Variants in CPM observed in about 807,000 individuals in gnomAD.
CPM encodes the protein carboxypeptidase M, also known as renal carboxypeptidase.
Under a neutral mutation model 46.4 loss-of-function variants are expected in CPM, and 35 were observed. The ratio of observed to expected loss-of-function variants is 0.75; its 90% CI spans 0.58 to 1.00. The LOEUF is 1.00. CPM is among the 50% of genes least tolerant of loss of function. The pLI is 0.00. For synonymous variants in CPM, 195 were observed against 195.3 expected (o/e 1.00, Z 0.01); for missense variants, 422 against 530.4 (o/e 0.80, Z 2.01).
At chr12:68,955,331 A>G (rs879346749) in intron 1 of CPM, among the ~76,000 whole-genome samples, 2 of 152,228 alleles carry the variant, frequency 1.3e-5, no homozygotes, top group Non-Finnish European at 2.9e-5. Context: ...AGTACTCAGC[A>G]TGCTGCCTGG....
At chr12:68,863,932 TTA>T (rs1885319528) in intron 7 of CPM, among the ~76,000 whole-genome samples, 1 of 152,240 alleles carries the variant, frequency 6.6e-6, no homozygotes, top group African/African-American at 2.4e-5. Context: ...AAAATATTCA[TTA>T]GTTTCTTATT....
chr12:68,871,778 CTT>C lies in CPM; in HGVS notation c.431+4_431+5del. 6.2e-7 allele frequency: 1 copy of C among 1,614,102 alleles called. No homozygotes were observed. On this transcript the variant is annotated splice_donor_5th_base_variant and intron_variant, in intron 4 of 8. Coordinates refer to ENST00000551568, the MANE Select transcript of CPM (RefSeq NM_198320.5). ...TTCAAGTAAAGATAGACCAGCCCCT[CTT>C]TACCTTCCGATGCTGTAATAACAGT...
upstream of CPM, among the ~76,000 whole-genome samples, chr12:68,934,904 A>G (rs977163836): frequency 6.6e-6 from 1 of 151,858 alleles, no homozygotes; most frequent in East Asian, 1.9e-4. Context: ...TTTTTTTTTA[A>G]TTTTTTATTT....
Position 68,855,013 on chromosome 12 carries a change from C to CGTGG in CPM, c.*1423_*1424insCCAC, listed in dbSNP as rs1884898662. 6.7e-6 allele frequency: 1 copy of CGTGG among 150,298 alleles called. No homozygotes were observed. The highest frequency in any genetic ancestry group is 2.4e-5 in the African/African-American group (1 of 40,822). 9.3% of individuals were successfully genotyped at this position (150,298 alleles called of 1,614,324 possible). On this transcript the variant is annotated 3_prime_UTR_variant, in exon 9 of 9. Transcript: ENST00000551568. ...CTGGGATTACAGGCATGCACCACCA[C>CGTGG]GCCCGACTAATTTTTTTTTTTTTTT...
intron 2 of CPM, among the ~76,000 whole-genome samples, chr12:68,931,262 A>G (rs1266022569): frequency 2.6e-5 from 4 of 152,158 alleles, no homozygotes. Context: ...AAAAATGATG[A>G]AGAATATGGT....
intron 2 of CPM, among the ~76,000 whole-genome samples, chr12:68,895,089 T>A (rs1218917130): frequency 6.6e-6 from 1 of 151,292 alleles, no homozygotes; most frequent in Non-Finnish European, 1.5e-5. Context: ...AAAAATATTG[T>A]CATATTTTCC....
intron 3 of CPM, among the ~76,000 whole-genome samples, chr12:68,884,534 T>G (rs1349368906): frequency 6.6e-6 from 1 of 152,162 alleles, no homozygotes; most frequent in East Asian, 1.9e-4. Context: ...CAGCACTGAT[T>G]AGAGCATGCC....
intron 2 of CPM, among the ~76,000 whole-genome samples, chr12:68,911,755 C>T (rs1472030638): frequency 1.3e-5 from 2 of 152,146 alleles, no homozygotes; most frequent in African/African-American, 4.8e-5. Flanking sequence ...CGACAACCTA[C>T]GAGGTAGAAC....
intron 2 of CPM, among the ~76,000 whole-genome samples, chr12:68,909,637 C>T (rs565631115): frequency 2.6e-5 from 4 of 152,152 alleles, no homozygotes; most frequent in East Asian, 3.9e-4. Flanking sequence ...ACATATACAC[C>T]ATGGAATACT....
intron 2 of CPM, among the ~76,000 whole-genome samples, chr12:68,922,279 G>A (rs141804979): frequency 1.2e-3 from 179 of 152,316 alleles, no homozygotes; most frequent in African/African-American, 3.5e-3. Context: ...GTATATGTGC[G>A]TGTGTATTAT....
chr12:68,846,530 C>T (rs949794437), downstream of CPM: 1 of 152,144 alleles, frequency 6.6e-6, no homozygotes, highest in African/African-American at 2.4e-5. Flanking sequence ...GTAGGCCTTC[C>T]TTCAAGATCA....
Position 68,856,462 on chromosome 12 carries a change from C to T in CPM, c.1307G>A (p.Ser436Asn). 1.2e-6 allele frequency: 2 copies of T among 1,613,988 alleles called. No homozygotes were observed. The highest frequency in any genetic ancestry group is 1.7e-6 in the Non-Finnish European group (2 of 1,179,976). The change falls in exon 9 of 9, where the codon AGT becomes AAT. Residue 436 changes from serine (S) to asparagine (N), a missense_variant. Coordinates refer to ENST00000551568, the MANE Select transcript of CPM (RefSeq NM_198320.5). ...TTATTTGAAGAATATGTGCAAAAGA[C>T]TCACTAAAAATAAGAACAAACTAGG... ...TKPSLFLFLV[S>N]LLHIFFK
intron 2 of CPM, among the ~76,000 whole-genome samples, chr12:68,897,581 C>T (rs1207360506): frequency 2.0e-5 from 3 of 151,888 alleles, no homozygotes; most frequent in Non-Finnish European, 4.4e-5. Flanking sequence ...ACTAAAGTTA[C>T]AAAAAATTAG....
chr12:68,859,672 T>A (rs1265796934), intron 7 of CPM, among the ~76,000 whole-genome samples: 2 of 152,262 alleles, frequency 1.3e-5, no homozygotes, highest in East Asian at 3.9e-4. Context: ...CTCTGTGTCA[T>A]CAATTATTAT....
At chr12:68,847,807 T>C (rs1048867235), downstream of CPM, 1 of 152,194 alleles carries the variant, frequency 6.6e-6, no homozygotes, top group African/African-American at 2.4e-5. Flanking sequence ...GTAAAGGATG[T>C]TGATTGGCAT....
exon 6 of CPM, chr12:68,842,252 A>G (rs1394068363): frequency 2.0e-6 from 1 of 496,358 alleles, no homozygotes; most frequent in Non-Finnish European, 4.0e-6. Context: ...TTCAAGAAAA[A>G]GGACTACGGA....
Position 68,941,169 on chromosome 12 carries a change from A to ATGTGTGTG in CPM, c.-3-8330_-3-8329insCACACACA, listed in dbSNP as rs1162261173. ...GAAGTAATTTGAAGATGTGCTGAGT[A>ATGTGTGTG]CGTGTGTGTGTGTGTGTGTGTGTGT... is the stretch of plus-strand genomic sequence containing the variant. On this transcript the variant is annotated intron_variant, in intron 1 of 8. Transcript: ENST00000546373. Among the ~76,000 whole-genome samples, 4 of 95,674 alleles carry ATGTGTGTG rather than the reference A, an allele frequency of 4.2e-5. No homozygotes were observed. The South Asian group carries it at 1.2e-3, about 29-fold the overall frequency. 62.8% of individuals were successfully genotyped at this position (95,674 alleles called of 152,430 possible).
intron 2 of CPM, among the ~76,000 whole-genome samples, chr12:68,911,361 C>T (rs1223961812): frequency 6.6e-6 from 1 of 152,192 alleles, no homozygotes; most frequent in Non-Finnish European, 1.5e-5. Flanking sequence ...GCCCAAACTG[C>T]AGCTGCGGCT....
chr12:68,870,117 T>C, intron 5 of CPM, 98 bp downstream of exon 5: 1 of 1,230,588 alleles, frequency 8.1e-7, no homozygotes, highest in Non-Finnish European at 1.1e-6. Context: ...GCCAGAGAAG[T>C]TAAGAGGGGA....
Sources: gnomAD v4.1 joint callset for allele counts (sites outside exome capture counted in the v4.1 genomes callset) on GRCh38, gnomAD v4.1.1 for gene constraint, MANE v1.5 for transcripts, NCBI Gene and HGNC (gene_info 2026-07-23, HGNC 2026-07-21) for gene names.